Variants in KSR2 observed in about 807,000 individuals in gnomAD.
The protein encoded by KSR2 is kinase suppressor of ras 2.
Under a neutral mutation model 107.8 loss-of-function variants are expected in KSR2, and 25 were observed. The observed-to-expected ratio is 0.23, with a 90% CI of 0.17 to 0.32. The LOEUF is 0.32. Ranked by LOEUF, KSR2 falls within the 10% of genes least tolerant of loss-of-function variation. The pLI, the probability that KSR2 is intolerant of heterozygous loss-of-function variation, is 1.00. For missense variants in KSR2, 887 were observed against 1,268.9 expected, an observed-to-expected ratio of 0.70 and a Z score of 4.57; for synonymous variants, 480 against 507.0, an observed-to-expected ratio of 0.95 and a Z score of 0.71.
In KSR2 at chr12:117,897,669, T is replaced by C. The variant is rs2137381542; in HGVS notation, c.181-37238A>G. On this transcript the variant is annotated intron_variant, in intron 1 of 19. Transcript: ENST00000339824. This position sits in a 1 kb window ranked among gnomAD's most constrained non-coding sequence, Gnocchi z 4.5. ...AAAATAAGCACGAGGTTGGTAATTT[T>C]CCTATTTTTTTAAATGTGAGCTAGG... 6.6e-6 allele frequency among the ~76,000 whole-genome samples: 1 copy of C among 152,116 alleles called. No individual in the cohort carries two copies. The highest frequency in any genetic ancestry group is 3.4e-3 in the Middle Eastern group (1 of 292).
intron 5 of KSR2, among the ~76,000 whole-genome samples, chr12:117,639,025 C>T (rs1883235957): frequency 6.6e-6 from 1 of 152,176 alleles, no homozygotes; most frequent in East Asian, 1.9e-4. Flanking sequence ...ACAGGCCACA[C>T]CCTAATCCCG....
chr12:117,601,641 CT>C (rs375377791), intron 5 of KSR2, among the ~76,000 whole-genome samples: 67 of 152,168 alleles, frequency 4.4e-4, no homozygotes, highest in African/African-American at 1.2e-3. Flanking sequence ...GGACCCCCCC[CT>C]AGAGCCTTCG....
At chr12:117,931,824 G>T (rs1402883198) in intron 1 of KSR2, among the ~76,000 whole-genome samples, 1 of 152,198 alleles carries the variant, frequency 6.6e-6, no homozygotes, top group Admixed American at 6.6e-5. Flanking sequence ...AACATTGAGT[G>T]CCTGTCACAT....
chr12:117,871,280 T>C (rs1490375732), intron 1 of KSR2, among the ~76,000 whole-genome samples: 2 of 152,018 alleles, frequency 1.3e-5, no homozygotes, highest in Non-Finnish European at 2.9e-5. Flanking sequence ...AACAAACTCT[T>C]ATTAACACAC....
At chr12:117,476,735 G>GGTCT in intron 16 of KSR2, 140 bp from the exon 17 acceptor site, 1 of 838,036 alleles carries the variant, frequency 1.2e-6, no homozygotes, top group Non-Finnish European at 1.7e-6. Flanking sequence ...CCACCTACTG[G>GGTCT]AGGCCGAGAC....
intron 4 of KSR2, among the ~76,000 whole-genome samples, chr12:117,668,317 G>C (rs192007482): frequency 2.4e-4 from 36 of 152,338 alleles, no homozygotes; most frequent in African/African-American, 8.7e-4. Flanking sequence ...CCACGGCTCT[G>C]TCTAGCTCTT....
chr12:117,804,913 TAGTC>T (rs1295729182), intron 3 of KSR2, among the ~76,000 whole-genome samples: 1 of 152,164 alleles, frequency 6.6e-6, no homozygotes, highest in Non-Finnish European at 1.5e-5. Context: ...CGGGTGGGAA[TAGTC>T]AGACCTCTTG....
chr12:117,623,328 C>A (rs551512110), intron 5 of KSR2, among the ~76,000 whole-genome samples: 120 of 152,180 alleles, frequency 7.9e-4, no homozygotes, highest in African/African-American at 2.8e-3. Context: ...GTTTGCTGCA[C>A]CCATCAACTC....
At chr12:117,676,242 T>C (rs1263931577) in intron 4 of KSR2, among the ~76,000 whole-genome samples, 1 of 151,980 alleles carries the variant, frequency 6.6e-6, no homozygotes, top group Non-Finnish European at 1.5e-5. Context: ...GCTGGAGCAC[T>C]CCCCAAGCAT....
At chr12:117,683,536 G>A (rs1593126987) in intron 4 of KSR2, among the ~76,000 whole-genome samples, 1 of 152,160 alleles carries the variant, frequency 6.6e-6, no homozygotes, top group Non-Finnish European at 1.5e-5. Flanking sequence ...TATATTATAT[G>A]TCTATTGGAA....
rs59720419 is a variant in KSR2 at position 117,738,589 on chromosome 12, A to G, written c.986+22422T>C. On this transcript the variant is annotated intron_variant, in intron 4 of 19. Transcript: ENST00000339824. Reference sequence around the variant, plus strand: ...AAAAAAAAGATATTAAAGACAAAAAATGTGGCTGGGCATGGTGGCTCATGC... The same window carrying G: ...AAAAAAAAGATATTAAAGACAAAAAGTGTGGCTGGGCATGGTGGCTCATGC... Among the ~76,000 whole-genome samples, 1,109 of 152,262 alleles carry G rather than the reference A, an allele frequency of 7.3e-3. 22 individuals carry two copies. Among genetic ancestry groups the G allele is most frequent in the African/African-American group, 0.026 (1,062 of 41,560 alleles).
chr12:117,528,595 T>C lies in KSR2; in HGVS notation c.1803-1476A>G, dbSNP rs189233152. Among the ~76,000 whole-genome samples the C allele has an allele frequency of 1.4e-4, 21 of 152,200 alleles. No individual in the cohort carries two copies. The East Asian group carries it at 3.9e-3, about 28-fold the overall frequency. On this transcript the variant is annotated intron_variant, in intron 12 of 19. Transcript: ENST00000339824. ...GAACTAAAAGAAGGAGAAAGAAAGG[T>C]CAACCACAAAGTGGCATTCGCCATG...
At chr12:117,519,561 G>A (rs937399856) in intron 14 of KSR2, among the ~76,000 whole-genome samples, 4 of 152,116 alleles carry the variant, frequency 2.6e-5, no homozygotes, top group South Asian at 4.1e-4. Flanking sequence ...TGGGGAGTGG[G>A]GAAGGGGGTG....
chr12:117,967,584 G>A (rs943540457), intron 1 of KSR2, among the ~76,000 whole-genome samples: 1 of 151,892 alleles, frequency 6.6e-6, no homozygotes, highest in African/African-American at 2.4e-5. Flanking sequence ...GCCAAGAGAA[G>A]AAGAGGTCTA....
intron 4 of KSR2, among the ~76,000 whole-genome samples, chr12:117,684,993 C>T (rs503619): frequency 0.99 from 150,257 of 152,262 alleles, 74,149 homozygotes; most frequent in East Asian, 1. Flanking sequence ...ATCTTAGACT[C>T]GCAATCTGGG....
At chr12:117,489,613 T>C (rs1375094664) in intron 14 of KSR2, among the ~76,000 whole-genome samples, 1 of 151,220 alleles carries the variant, frequency 6.6e-6, no homozygotes, top group Non-Finnish European at 1.5e-5. Context: ...ATGTATGGCG[T>C]TGAAATCTGT....
At chr12:117,727,768 T>C (rs1887493501) in intron 4 of KSR2, among the ~76,000 whole-genome samples, 1 of 152,124 alleles carries the variant, frequency 6.6e-6, no homozygotes, top group African/African-American at 2.4e-5. Flanking sequence ...TTGTTTTAAG[T>C]CACCACGTTT....
intron 14 of KSR2, among the ~76,000 whole-genome samples, chr12:117,518,536 A>C (rs1449402090): frequency 1.3e-5 from 2 of 152,164 alleles, no homozygotes; most frequent in South Asian, 4.1e-4. Context: ...ATTCTAACCC[A>C]TATGCATTTT....
chr12:117,634,728 G>C (rs1436388340), intron 5 of KSR2, among the ~76,000 whole-genome samples: 1 of 152,202 alleles, frequency 6.6e-6, no homozygotes, highest in Non-Finnish European at 1.5e-5. Context: ...TGACTGGCCT[G>C]TCCTGAGAAA....
Sources: gnomAD v4.1 joint callset for allele counts (sites outside exome capture counted in the v4.1 genomes callset) on GRCh38, gnomAD v4.1.1 for gene constraint, Gnocchi (gnomAD v3.1) non-coding constraint, MANE v1.5 for transcripts, NCBI Gene and HGNC (gene_info 2026-07-23, HGNC 2026-07-21) for gene names.